The following RAD51B variants were observed in gnomAD, a reference collection of about 807,000 sequenced individuals.
The protein encoded by RAD51B is DNA repair protein RAD51 homolog 2.
A neutral mutation model predicts 42.2 loss-of-function variants in RAD51B; 38 were observed. The ratio of observed to expected loss-of-function variants is 0.90; its 90% CI spans 0.70 to 1.18. The LOEUF is 1.18. RAD51B is among the 50% of genes most tolerant of loss of function. RAD51B has a pLI of 0.00. For synonymous variants in RAD51B, 154 were observed against 145.2 expected, an observed-to-expected ratio of 1.06 and a Z score of -0.43; for missense variants, 373 against 400.7, an observed-to-expected ratio of 0.93 and a Z score of 0.59.
chr14:67,920,668 C>G (rs2044293829), intron 7 of RAD51B, among the ~76,000 whole-genome samples: 1 of 152,138 alleles, frequency 6.6e-6, no homozygotes, highest in Non-Finnish European at 1.5e-5. Context: ...GGTCTGAGAA[C>G]ATTAGTTAAT....
intron 10 of RAD51B, among the ~76,000 whole-genome samples, chr14:68,572,923 A>G (rs1889780742): frequency 6.6e-6 from 1 of 152,206 alleles, no homozygotes; most frequent in Non-Finnish European, 1.5e-5. Context: ...AAGAATGGGT[A>G]GTAGCCCATC....
intron 10 of RAD51B, among the ~76,000 whole-genome samples, chr14:68,619,475 A>AAG (rs756779741): frequency 0.011 from 1,650 of 151,562 alleles, 18 homozygotes; most frequent in Middle Eastern, 0.017. Context: ...AAAAAAAAGA[A>AAG]AAAAAAAAGT....
rs141365307 is a variant in RAD51B, at chr14:68,289,186, A to G, written c.757-2698A>G. Among the ~76,000 whole-genome samples, 5 of 152,358 alleles carry G rather than the reference A, an allele frequency of 3.3e-5. No individual in the cohort carries two copies. In the East Asian group the frequency reaches 9.6e-4, roughly 29 times the overall value. On this transcript the variant is annotated intron_variant, in intron 7 of 10. Coordinates refer to ENST00000471583, the MANE Select transcript of RAD51B (RefSeq NM_133510.4). Reference sequence around the variant, plus strand: ...CATATACTAATTTATTAACCTGTATATGCTCATTCTGAAGGAAATAATAAC... The same window carrying G: ...CATATACTAATTTATTAACCTGTATGTGCTCATTCTGAAGGAAATAATAAC...
chr14:68,358,282 T>C (rs2082948733), intron 8 of RAD51B, among the ~76,000 whole-genome samples: 1 of 152,222 alleles, frequency 6.6e-6, no homozygotes, highest in Non-Finnish European at 1.5e-5. Flanking sequence ...TTGAAAGACT[T>C]GTCAACGCGC....
intron 7 of RAD51B, among the ~76,000 whole-genome samples, chr14:68,081,789 C>T (rs1378085305): frequency 1.3e-5 from 2 of 152,132 alleles, no homozygotes; most frequent in Non-Finnish European, 2.9e-5. Context: ...GGGGCTCTGA[C>T]CCCACGGCAG....
At chr14:68,202,059 A>C (rs777262730) in intron 7 of RAD51B, among the ~76,000 whole-genome samples, 2 of 152,252 alleles carry the variant, frequency 1.3e-5, no homozygotes, top group Non-Finnish European at 2.9e-5. Context: ...CCTAGTGCAT[A>C]TCAAAGTTAT....
chr14:68,363,794 A>G (rs1282661686), intron 8 of RAD51B, among the ~76,000 whole-genome samples: 1 of 152,090 alleles, frequency 6.6e-6, no homozygotes, highest in Non-Finnish European at 1.5e-5. Flanking sequence ...TTGCCCACTT[A>G]GTGAGACTCA....
chr14:68,484,704 A>T (rs117126154), intron 10 of RAD51B, among the ~76,000 whole-genome samples: 1 of 152,074 alleles, frequency 6.6e-6, no homozygotes, highest in African/African-American at 2.4e-5. Flanking sequence ...TATCTCCGGT[A>T]AAAGGGGACA....
intron 10 of RAD51B, among the ~76,000 whole-genome samples, chr14:68,484,668 T>C (rs569790050): frequency 4.8e-4 from 73 of 152,312 alleles, no homozygotes; most frequent in Admixed American, 9.1e-4. Context: ...AGTTGGGCTA[T>C]TTTCATTGGG....
chr14:67,964,729 G>C (rs1038709314), intron 7 of RAD51B, among the ~76,000 whole-genome samples: 1 of 152,282 alleles, frequency 6.6e-6, no homozygotes, highest in East Asian at 1.9e-4. Flanking sequence ...ACAAGAAAGA[G>C]AATTAGAGTT....
intron 8 of RAD51B, among the ~76,000 whole-genome samples, chr14:68,391,136 GTCTT>G (rs36073427): frequency 0.24 from 34,598 of 141,528 alleles, 4,539 homozygotes; most frequent in South Asian, 0.33. Context: ...TATGAGACTT[GTCTT>G]TCTTTCTTTC....
chr14:68,134,398 T>A (rs1478624164), intron 7 of RAD51B, among the ~76,000 whole-genome samples: 2 of 152,232 alleles, frequency 1.3e-5, no homozygotes, highest in Non-Finnish European at 2.9e-5. Flanking sequence ...TGAATAAAGC[T>A]GCTCTGAACC....
At chr14:67,955,580 A>T (rs2074531394) in intron 7 of RAD51B, among the ~76,000 whole-genome samples, 1 of 152,228 alleles carries the variant, frequency 6.6e-6, no homozygotes, top group Non-Finnish European at 1.5e-5. Flanking sequence ...TGTGTAAAAG[A>T]TGTTTGACTT....
At chr14:68,379,653 TTGG>T (rs2083440184) in intron 8 of RAD51B, among the ~76,000 whole-genome samples, 1 of 152,132 alleles carries the variant, frequency 6.6e-6, no homozygotes, top group African/African-American at 2.4e-5. Flanking sequence ...GGTAGAAAAG[TTGG>T]TGGGAAGACA....
chr14:68,658,770 G>A (rs1892873301), intron 11 of RAD51B, among the ~76,000 whole-genome samples: 1 of 152,194 alleles, frequency 6.6e-6, no homozygotes, highest in African/African-American at 2.4e-5. Flanking sequence ...TTTATTAAGT[G>A]CCTGATTTTG....
At chr14:67,844,457 T>G (rs2041539574) in intron 4 of RAD51B, among the ~76,000 whole-genome samples, 1 of 151,948 alleles carries the variant, frequency 6.6e-6, no homozygotes, top group Non-Finnish European at 1.5e-5. Flanking sequence ...TGTTGAAGTC[T>G]CACACTATTA....
intron 7 of RAD51B, among the ~76,000 whole-genome samples, chr14:67,949,563 G>T (rs971279905): frequency 1.3e-5 from 2 of 152,200 alleles, no homozygotes; most frequent in Non-Finnish European, 2.9e-5. Context: ...GTCCATGAGG[G>T]TTGGAATCTT....
At chr14:68,017,823 T>C (rs991248622) in intron 7 of RAD51B, among the ~76,000 whole-genome samples, 3 of 151,862 alleles carry the variant, frequency 2.0e-5, no homozygotes, top group African/African-American at 7.3e-5. Context: ...ATATAAAAAT[T>C]AGCTGAGTGT....
chr14:68,261,979 AC>A (rs2080899937), intron 7 of RAD51B, among the ~76,000 whole-genome samples: 1 of 151,252 alleles, frequency 6.6e-6, no homozygotes, highest in African/African-American at 2.4e-5. Flanking sequence ...GACTGTTTGT[AC>A]TAGTAAATGC....
Sources: gnomAD v4.1 joint callset for allele counts (sites outside exome capture counted in the v4.1 genomes callset) on GRCh38, gnomAD v4.1.1 for gene constraint, MANE v1.5 for transcripts, NCBI Gene and HGNC (gene_info 2026-07-23, HGNC 2026-07-21) for gene names.